Variants in MALRD1 observed in about 807,000 individuals in gnomAD.
The protein encoded by MALRD1 is MAM and LDL-receptor class A domain-containing protein 1.
In MALRD1, 247 loss-of-function variants were observed where a neutral mutation model predicts 242.1. The observed-to-expected ratio is 1.02, with a 90% CI of 0.92 to 1.13. The LOEUF (loss-of-function observed/expected upper bound fraction) is 1.13. MALRD1 is among the 50% of genes most tolerant of loss of function. The pLI, the probability that MALRD1 is intolerant of heterozygous loss-of-function variation, is 0.00. For missense variants in MALRD1, 2,989 were observed against 2,533.1 expected (o/e 1.18, Z -3.86); for synonymous variants, 995 against 866.6 (o/e 1.15, Z -2.60).
rs530959939 is a variant in MALRD1, at chr10:19,327,065, C to T, written c.3577-498C>T. Among the ~76,000 whole-genome samples the T allele has an allele frequency of 5.9e-5, 9 of 152,072 alleles. No individual in the cohort carries two copies. The East Asian group carries it at 7.8e-4, about 13-fold the overall frequency. On this transcript the variant is annotated intron_variant, in intron 22 of 39. Coordinates refer to ENST00000454679, the MANE Select transcript of MALRD1 (RefSeq NM_001142308.3). ...CTGTTGGGCAGGAAGCTCTTACTGG[C>T]GCAGCATAAATAGATGCTCACTCAT...
At chr10:19,262,999 A>T (rs1198758644) in intron 19 of MALRD1, among the ~76,000 whole-genome samples, 1 of 152,174 alleles carries the variant, frequency 6.6e-6, no homozygotes, top group Non-Finnish European at 1.5e-5. Flanking sequence ...TCCAATGTAC[A>T]TATATATTAG....
intron 29 of MALRD1, among the ~76,000 whole-genome samples, chr10:19,477,225 G>A (rs1382295520): frequency 6.6e-6 from 1 of 151,958 alleles, no homozygotes; most frequent in Admixed American, 6.6e-5. Context: ...TATATGACTT[G>A]TTATAGAAAT....
intron 35 of MALRD1, among the ~76,000 whole-genome samples, chr10:19,612,743 G>A (rs1342302581): frequency 1.3e-5 from 2 of 151,932 alleles, no homozygotes; most frequent in Non-Finnish European, 2.9e-5. Context: ...CACTTGGCCG[G>A]CAGGAGAGAG....
chr10:19,320,360 G>T (rs1253401414), intron 21 of MALRD1, among the ~76,000 whole-genome samples: 2 of 151,890 alleles, frequency 1.3e-5, no homozygotes, highest in Non-Finnish European at 2.9e-5. Flanking sequence ...TGAGGATGAT[G>T]GTTTCCACCT....
At chr10:19,437,501 T>C (rs1026414718) in intron 28 of MALRD1, among the ~76,000 whole-genome samples, 4 of 151,944 alleles carry the variant, frequency 2.6e-5, no homozygotes, top group African/African-American at 9.7e-5. Flanking sequence ...AAATTGTCTT[T>C]TATTATTATT....
At chr10:19,594,831 G>A (rs985549752) in intron 33 of MALRD1, among the ~76,000 whole-genome samples, 10 of 152,036 alleles carry the variant, frequency 6.6e-5, no homozygotes, top group Non-Finnish European at 1.3e-4. Flanking sequence ...GGGGACTCAA[G>A]GGGAAAGATT....
intron 11 of MALRD1, among the ~76,000 whole-genome samples, chr10:19,152,248 G>T (rs144196344): frequency 1.4e-3 from 211 of 152,262 alleles, no homozygotes; most frequent in African/African-American, 4.5e-3. Flanking sequence ...TTTAGAGCAG[G>T]CTGATAGGAA....
At chr10:19,063,088 A>G (rs975835561) in intron 1 of MALRD1, among the ~76,000 whole-genome samples, 1 of 151,896 alleles carries the variant, frequency 6.6e-6, no homozygotes, top group South Asian at 2.1e-4. Context: ...CAAGACCACA[A>G]TGAGCCATGA....
At chr10:19,240,208 C>A (rs1838697629) in intron 18 of MALRD1, among the ~76,000 whole-genome samples, 1 of 151,822 alleles carries the variant, frequency 6.6e-6, no homozygotes, top group Admixed American at 6.6e-5. Context: ...TCTTTCACGG[C>A]CTTGATTAAA....
chr10:19,515,553 TA>T (rs111859509), intron 31 of MALRD1, among the ~76,000 whole-genome samples: 12 of 151,558 alleles, frequency 7.9e-5, no homozygotes, highest in Admixed American at 3.3e-4. Context: ...CTCTTTTTTT[TA>T]ATTTTTATTT....
chr10:19,484,881 A>G (rs1031419176), intron 29 of MALRD1, among the ~76,000 whole-genome samples: 2 of 152,214 alleles, frequency 1.3e-5, no homozygotes, highest in Non-Finnish European at 1.5e-5. Flanking sequence ...GTGTATGTTT[A>G]TCAACAGCAC....
At chr10:19,366,539 A>G (rs7075239) in intron 26 of MALRD1, among the ~76,000 whole-genome samples, 150,269 of 152,238 alleles carry the variant, frequency 0.99, 74,291 homozygotes, top group Middle Eastern at 1. Flanking sequence ...CTTTTCTAGC[A>G]TGTCTGACTC....
chr10:19,446,606 G>C (rs1057141213), intron 28 of MALRD1, among the ~76,000 whole-genome samples: 4 of 152,244 alleles, frequency 2.6e-5, no homozygotes, highest in African/African-American at 7.2e-5. Context: ...ATAAAGGAAA[G>C]ACTGGCATAA....
chr10:19,482,382 C>CA (rs1168199569), intron 29 of MALRD1, among the ~76,000 whole-genome samples: 2 of 151,708 alleles, frequency 1.3e-5, no homozygotes, highest in Non-Finnish European at 2.9e-5. Flanking sequence ...AAAAGTCAAA[C>CA]AAAAAACCAG....
At chr10:19,340,272 C>G (rs557456978) in intron 24 of MALRD1, among the ~76,000 whole-genome samples, 1 of 152,172 alleles carries the variant, frequency 6.6e-6, no homozygotes, top group African/African-American at 2.4e-5. Context: ...GTGTTACAAT[C>G]TATTTACACT....
chr10:19,400,753 C>T (rs1453404045), intron 28 of MALRD1, among the ~76,000 whole-genome samples: 3 of 152,102 alleles, frequency 2.0e-5, no homozygotes, highest in East Asian at 1.9e-4. Flanking sequence ...TGGTAGCTCA[C>T]GCCTATAATC....
intron 21 of MALRD1, among the ~76,000 whole-genome samples, chr10:19,321,705 T>C (rs1464777666): frequency 1.3e-5 from 2 of 152,156 alleles, no homozygotes; most frequent in African/African-American, 4.8e-5. Flanking sequence ...TCTACTGATT[T>C]ATCAAACACT....
At chr10:19,587,148 C>G (rs905543065) in intron 33 of MALRD1, among the ~76,000 whole-genome samples, 4 of 152,202 alleles carry the variant, frequency 2.6e-5, no homozygotes, top group Non-Finnish European at 4.4e-5. Flanking sequence ...GTGAGATGAA[C>G]CCGGTACCTC....
intron 13 of MALRD1, among the ~76,000 whole-genome samples, chr10:19,171,003 A>G (rs1231408016): frequency 6.6e-6 from 1 of 151,968 alleles, no homozygotes; most frequent in Non-Finnish European, 1.5e-5. Context: ...TCTTGGATTC[A>G]TATTCATTTT....
Sources: allele counts gnomAD v4.1 joint callset (sites outside exome capture counted in the v4.1 genomes callset), GRCh38; gene constraint gnomAD v4.1.1; transcripts MANE v1.5; gene names NCBI Gene and HGNC (gene_info 2026-07-23, HGNC 2026-07-21).